The following HEXD variants were observed in gnomAD, a reference collection of about 807,000 sequenced individuals.
HEXD encodes the protein hexosaminidase D.
A neutral mutation model predicts 54.2 loss-of-function variants in HEXD; 47 were observed. The observed-to-expected ratio is 0.87, with a 90% CI of 0.69 to 1.11. The LOEUF (loss-of-function observed/expected upper bound fraction) is 1.11, where lower values mean the gene tolerates loss of function less well. Among genes scored for constraint, HEXD ranks in the 50% least tolerant of loss-of-function variants. The probability of loss-of-function intolerance (pLI) is 0.00; values close to 1 mark genes in which losing one functional copy is unlikely to be tolerated. For missense variants in HEXD, 576 were observed against 649.2 expected, an observed-to-expected ratio of 0.89 and a Z score of 1.23; for synonymous variants, 293 against 287.6, an observed-to-expected ratio of 1.02 and a Z score of -0.19.
chr17:82,442,038 G>C lies in HEXD; in HGVS notation c.1254-139G>C, dbSNP rs1045483901. Reference sequence around the variant, plus strand: ...TCAGATGTGCAGCTGTCACCGACTTGTTCCTCCCGACATGCCGATGAGGTA... The same window carrying C: ...TCAGATGTGCAGCTGTCACCGACTTCTTCCTCCCGACATGCCGATGAGGTA... On this transcript the variant is annotated intron_variant, in intron 12 of 12. Transcript: ENST00000327949. This position sits in a 1 kb window ranked among gnomAD's most constrained non-coding sequence, Gnocchi z 6.8. 2.3e-5 allele frequency: 30 copies of C among 1,319,156 alleles called. No individual in the cohort carries two copies. In the African/African-American group the frequency reaches 3.3e-4, roughly 15 times the overall value. 81.7% of individuals were successfully genotyped at this position (1,319,156 alleles called of 1,614,324 possible).
chr17:82,433,906 T>C (rs2053683341), intron 5 of HEXD, 84 bp downstream of exon 5: 9 of 1,261,312 alleles, frequency 7.1e-6, no homozygotes, highest in Non-Finnish European at 9.8e-6. Context: ...TTCCAGGCAC[T>C]GAGGCCTAGA....
chr17:82,434,821 G>C lies in HEXD; in HGVS notation c.448-868G>C, dbSNP rs548727270. 3.2e-4 allele frequency among the ~76,000 whole-genome samples: 48 copies of C among 151,882 alleles called. No individual in the cohort carries two copies. Among genetic ancestry groups the C allele is most frequent in the African/African-American group, 1.1e-3 (45 of 41,396 alleles). ...CCACTGCATACCAGCCTGGGCAACA[G>C]AGTGAGACTCCGGCTCTAAATAAAT... On this transcript the variant is annotated intron_variant, in intron 5 of 12. Coordinates refer to ENST00000327949, the MANE Select transcript of HEXD (RefSeq NM_001330542.2). This position sits in a 1 kb window ranked among gnomAD's most constrained non-coding sequence, Gnocchi z 4.5.
chr17:82,432,845 C>T (rs1260621293), intron 4 of HEXD, among the ~76,000 whole-genome samples: 2 of 150,644 alleles, frequency 1.3e-5, no homozygotes, highest in East Asian at 2.0e-4. Context: ...GGGCAGATCA[C>T]AAGGTCAGGA....
chr17:82,435,260 T>C (rs1222410114), intron 5 of HEXD, among the ~76,000 whole-genome samples: 1 of 152,098 alleles, frequency 6.6e-6, no homozygotes, highest in African/African-American at 2.4e-5. Flanking sequence ...GCGACCACGG[T>C]CTGCTTCCTA....
chr17:82,433,130 T>TATATA (rs2053656125), intron 4 of HEXD, among the ~76,000 whole-genome samples: 2 of 20,054 alleles, frequency 1.0e-4, no homozygotes, highest in Non-Finnish European at 1.5e-4. Context: ...ATATATATAT[T>TATATA]TTTTTTTTTT....
At chr17:82,423,118 TACAC>T (rs1464032124) in intron 2 of HEXD, among the ~76,000 whole-genome samples, 2 of 152,090 alleles carry the variant, frequency 1.3e-5, no homozygotes, top group Non-Finnish European at 2.9e-5. Context: ...AGATCCAACT[TACAC>T]ACAGCTGGAG....
Position 82,442,427 on chromosome 17 carries a change from G to T in HEXD, c.*43G>T, listed in dbSNP as rs376677461. 1.2e-6 allele frequency: 2 copies of T among 1,609,890 alleles called. No individual in the cohort carries two copies. Among genetic ancestry groups the T allele is most frequent in the Non-Finnish European group, 8.5e-7 (1 of 1,177,596 alleles). On this transcript the variant is annotated 3_prime_UTR_variant, in exon 13 of 13. Coordinates refer to ENST00000327949, the MANE Select transcript of HEXD (RefSeq NM_001330542.2). The surrounding 1 kb of genome is among the most constrained non-coding windows in gnomAD (Gnocchi z 6.8). ...GGGGGCTCCTGCTGGAGGCTGGGGGGGCTCTGCACTGCCAAATGGCCTGGG... is the reference window on the plus strand; with the variant it reads ...GGGGGCTCCTGCTGGAGGCTGGGGGTGCTCTGCACTGCCAAATGGCCTGGG...
intron 9 of HEXD, 134 bp from the exon 10 acceptor site, chr17:82,440,863 C>A (rs966704819): frequency 6.2e-6 from 6 of 968,420 alleles, no homozygotes; most frequent in South Asian, 1.4e-5. Flanking sequence ...CCGGCACACG[C>A]GGGGCTGGGC....
intron 5 of HEXD, among the ~76,000 whole-genome samples, chr17:82,435,328 C>G (rs886660840): frequency 1.3e-5 from 2 of 152,156 alleles, no homozygotes; most frequent in African/African-American, 4.8e-5. Flanking sequence ...CAGTGTATGA[C>G]CTGTGCTCCT....
At position 82,419,789 on chromosome 17, in the gene HEXD, G is replaced by A. The variant is rs2053177370; in HGVS notation, c.-11G>A. 1 of 1,585,478 alleles carries A rather than the reference G, an allele frequency of 6.3e-7. No homozygotes were observed. Among genetic ancestry groups the A allele is most frequent in the Non-Finnish European group, 8.7e-7 (1 of 1,155,228 alleles). On this transcript the variant is annotated 5_prime_UTR_variant, in exon 2 of 13. Transcript: ENST00000327949. ...GAGACTTCGCCATAGGAGTTCACAG[G>A]AAATATTGAAATGTCAGGTTCCACT...
chr17:82,426,904 G>A (rs960356610), intron 3 of HEXD: 1 of 152,230 alleles, frequency 6.6e-6, no homozygotes, highest in African/African-American at 2.4e-5. Context: ...GGGAGGCCGA[G>A]GCAGGCGGAT....
chr17:82,441,759 C>T (rs746412793), intron 11 of HEXD, 41 bp from the exon 12 acceptor site: 4 of 1,548,912 alleles, frequency 2.6e-6, no homozygotes, highest in African/African-American at 2.7e-5. Context: ...CCACGGCTGC[C>T]TTGGTAGCCC....
rs547948732 is a variant in HEXD at position 82,433,707 on chromosome 17, T to C, written c.332T>C (p.Phe111Ser). 11 of 1,612,122 alleles carry C rather than the reference T, an allele frequency of 6.8e-6. No individual in the cohort carries two copies. In the East Asian group the frequency reaches 2.5e-4, roughly 36 times the overall value. The part of the protein sequence containing the change: ...AFAHLREVGS[F>S]PCTLNPHEAE... ...GCCCACCTGCGGGAGGTGGGCTCCTTCCCCTGCACCCTGAACCCCCACGAG... is the reference window on the plus strand; with the variant it reads ...GCCCACCTGCGGGAGGTGGGCTCCTCCCCCTGCACCCTGAACCCCCACGAG... Residue 111 changes from phenylalanine (F) to serine (S), a missense_variant, in exon 5 of 13, where the codon TTC (phenylalanine) becomes TCC (serine). By Grantham distance (155) the Phe-to-Ser change is radical (BLOSUM62 -2). Transcript: ENST00000327949.
At chr17:82,440,040 C>G in intron 9 of HEXD, 7 of 1,320,710 alleles carry the variant, frequency 5.3e-6, no homozygotes, top group Non-Finnish European at 6.9e-6. Context: ...TCCTGCCCAC[C>G]TGGCCGAGCA....
rs566379956 is a variant in HEXD, at chr17:82,428,579, C to G, written c.216C>G (p.Ile72Met). 6.2e-7 allele frequency: 1 copy of G among 1,613,336 alleles called. No homozygotes were observed. The highest frequency in any genetic ancestry group is 1.1e-5 in the South Asian group (1 of 91,082). Reference sequence around the variant, plus strand: ...CCAGCCCCTCTGAAATCAAAGAGATCTTGCATCTGGCTGGACTCAATGAGC... The same window carrying G: ...CCAGCCCCTCTGAAATCAAAGAGATGTTGCATCTGGCTGGACTCAATGAGC... ...YAYSPSEIKE[I>M]LHLAGLNELE... Residue 72 changes from isoleucine (I) to methionine (M), a missense_variant, in exon 4 of 13, where the codon ATC becomes ATG. Transcript: ENST00000327949.
chr17:82,419,824 A>G lies in HEXD; in HGVS notation c.25A>G (p.Met9Val). MSGSTPFQ[M>V]RLVHLDLKGA... Reference sequence around the variant, plus strand: ...AATGTCAGGTTCCACTCCATTTCAGATGAGATTAGTTCATTTAGACCTTAA... The same window carrying G: ...AATGTCAGGTTCCACTCCATTTCAGGTGAGATTAGTTCATTTAGACCTTAA... Residue 9 changes from methionine to valine, a missense_variant, in exon 2 of 13, where the codon ATG becomes GTG. Transcript: ENST00000327949. 1.2e-6 allele frequency: 2 copies of G among 1,612,074 alleles called. No homozygotes were observed. The highest frequency in any genetic ancestry group is 1.3e-5 in the African/African-American group (1 of 74,962).
chr17:82,418,486 C>T lies in HEXD; in HGVS notation c.-306C>T, dbSNP rs2053128991. 1 of 1,411,794 alleles carries T rather than the reference C, an allele frequency of 7.1e-7. No individual in the cohort carries two copies. Among genetic ancestry groups the T allele is most frequent in the Non-Finnish European group, 9.2e-7 (1 of 1,085,952 alleles). The allele number at this position is 1,411,794 out of a possible 1,614,324, so 87.5% of individuals were successfully genotyped here. ...TTGCGGCCCTCCGCTGAGGAGCCAT[C>T]GGACCAGGCCGCCGCGGAGCCGGGC... On this transcript the variant is annotated 5_prime_UTR_variant, in exon 1 of 13. Coordinates refer to ENST00000327949, the MANE Select transcript of HEXD (RefSeq NM_001330542.2).
At chr17:82,431,271 T>C (rs1463241494) in intron 4 of HEXD, among the ~76,000 whole-genome samples, 1 of 152,156 alleles carries the variant, frequency 6.6e-6, no homozygotes, top group Non-Finnish European at 1.5e-5. Context: ...CTCGGAGCGC[T>C]GGGATTATAG....
chr17:82,430,893 T>C (rs189414557), intron 4 of HEXD, among the ~76,000 whole-genome samples: 5 of 152,186 alleles, frequency 3.3e-5, no homozygotes, highest in Admixed American at 6.5e-5. Context: ...ATCACAAAGA[T>C]TTTTCTTGTA....
Sources: allele counts gnomAD v4.1 joint callset (sites outside exome capture counted in the v4.1 genomes callset), GRCh38; gene constraint gnomAD v4.1.1; non-coding constraint Gnocchi (gnomAD v3.1); transcripts MANE v1.5; gene names NCBI Gene and HGNC (gene_info 2026-07-23, HGNC 2026-07-21).